The following NRXN3 variants were observed in gnomAD, a reference collection of about 807,000 sequenced individuals.
The protein encoded by NRXN3 is neurexin 3, also known as neurexin III.
Under a neutral mutation model 137.6 loss-of-function variants are expected in NRXN3, and 32 were observed. The ratio of observed to expected loss-of-function variants is 0.23; its 90% CI spans 0.18 to 0.31. The LOEUF (loss-of-function observed/expected upper bound fraction) is 0.31. NRXN3 is among the 10% of genes least tolerant of loss of function. The probability of loss-of-function intolerance (pLI) is 1.00; values close to 1 mark genes in which losing one functional copy is unlikely to be tolerated. For missense variants in NRXN3, 1,574 were observed against 2,062.5 expected, an observed-to-expected ratio of 0.76 and a Z score of 4.59; for synonymous variants, 798 against 784.5, an observed-to-expected ratio of 1.02 and a Z score of -0.29.
intron 15 of NRXN3, among the ~76,000 whole-genome samples, chr14:79,088,838 A>G (rs1448007097): frequency 1.3e-5 from 2 of 152,198 alleles, no homozygotes; most frequent in South Asian, 2.1e-4. Context: ...TTTGAATCAC[A>G]GCACAACTAT....
At chr14:78,798,424 G>T (rs1487926933) in intron 8 of NRXN3, among the ~76,000 whole-genome samples, 1 of 152,172 alleles carries the variant, frequency 6.6e-6, no homozygotes, top group Non-Finnish European at 1.5e-5. Context: ...GGTTCCCATG[G>T]CTTTGGGCAG....
intron 15 of NRXN3, among the ~76,000 whole-genome samples, chr14:79,154,153 A>T (rs1002376201): frequency 2.0e-5 from 3 of 151,938 alleles, no homozygotes; most frequent in African/African-American, 7.2e-5. Context: ...GCCATTGTGT[A>T]TTGAGCACTG....
chr14:78,176,777 G>C (rs1175517487), intron 1 of NRXN3, among the ~76,000 whole-genome samples: 2 of 152,014 alleles, frequency 1.3e-5, no homozygotes, highest in East Asian at 1.9e-4. Context: ...CTTTTCCAAG[G>C]GTATTGCAGC....
At position 79,443,453 on chromosome 14, in the gene NRXN3, T is replaced by C. The variant is rs139462669; in HGVS notation, c.3263-23768T>C. On this transcript the variant is annotated intron_variant, in intron 15 of 20. Transcript: ENST00000335750. ...TATAAATGATGGCCAAATAGCTGTT[T>C]GAATGGATAAAAAAGCTTCATAAAG... Among the ~76,000 whole-genome samples, 5 of 152,302 alleles carry C rather than the reference T, an allele frequency of 3.3e-5. No homozygotes were observed. In the East Asian group the frequency reaches 9.6e-4, roughly 29 times the overall value.
chr14:78,410,096 G>C (rs1161702862), intron 4 of NRXN3, among the ~76,000 whole-genome samples: 2 of 152,176 alleles, frequency 1.3e-5, no homozygotes, highest in Non-Finnish European at 2.9e-5. Flanking sequence ...ATCAGAAAGA[G>C]TCCTGGGCTT....
intron 6 of NRXN3, among the ~76,000 whole-genome samples, chr14:78,669,757 A>G (rs189143171): frequency 2.6e-5 from 4 of 152,268 alleles, no homozygotes; most frequent in Admixed American, 2.6e-4. Context: ...GCTAATAACT[A>G]TAATTAGTGT....
chr14:79,299,155 C>A (rs2084709050), intron 15 of NRXN3, among the ~76,000 whole-genome samples: 1 of 152,166 alleles, frequency 6.6e-6, no homozygotes, highest in African/African-American at 2.4e-5. Context: ...CAGGGATTTA[C>A]AAAACCAGTT....
chr14:79,199,039 C>T lies in NRXN3; in HGVS notation c.3262+210898C>T, dbSNP rs550442384. On this transcript the variant is annotated intron_variant, in intron 15 of 20. Coordinates refer to ENST00000335750, the MANE Select transcript of NRXN3 (RefSeq NM_001330195.2). The stretch of plus-strand genomic sequence containing the variant: ...AAAATTATCTGGGCTTGGTGACATG[C>T]GCCTGTAGTCCCAGCTACTCTAGAG... Among the ~76,000 whole-genome samples, 33 of 152,204 alleles carry T rather than the reference C, an allele frequency of 2.2e-4. No individual in the cohort carries two copies. In the Middle Eastern group the frequency reaches 0.01, roughly 47 times the overall value.
At chr14:79,358,505 C>T (rs1301832061) in intron 15 of NRXN3, among the ~76,000 whole-genome samples, 2 of 143,290 alleles carry the variant, frequency 1.4e-5, no homozygotes, top group Admixed American at 7.2e-5. Flanking sequence ...ACCTGGGAGG[C>T]GGAGCTTACA....
At chr14:78,183,975 T>C (rs1444171187) in intron 1 of NRXN3, among the ~76,000 whole-genome samples, 6 of 152,244 alleles carry the variant, frequency 3.9e-5, no homozygotes, top group Non-Finnish European at 7.3e-5. Flanking sequence ...TTTTTTCTTT[T>C]TTTGTACATG....
At chr14:78,360,667 C>A (rs1228429530) in intron 4 of NRXN3, among the ~76,000 whole-genome samples, 1 of 152,276 alleles carries the variant, frequency 6.6e-6, no homozygotes, top group African/African-American at 2.4e-5. Flanking sequence ...ACAATGCCTG[C>A]ACATAGTAAG....
intron 15 of NRXN3, among the ~76,000 whole-genome samples, chr14:79,380,336 A>T (rs1418699875): frequency 6.6e-6 from 1 of 151,626 alleles, no homozygotes; most frequent in Non-Finnish European, 1.5e-5. Context: ...TCCTAATGCT[A>T]TCCCTCCCCC....
chr14:79,262,898 T>C (rs980719531), intron 15 of NRXN3, among the ~76,000 whole-genome samples: 14 of 152,136 alleles, frequency 9.2e-5, no homozygotes, highest in Admixed American at 3.3e-4. Context: ...TACTTTATCA[T>C]CTTTTAGGGC....
At chr14:79,261,645 T>C (rs1437374445) in intron 15 of NRXN3, among the ~76,000 whole-genome samples, 1 of 22,848 alleles carries the variant, frequency 4.4e-5, no homozygotes, top group Non-Finnish European at 8.2e-5. Context: ...GTGTGTGTGA[T>C]GGGGTGGGGG....
chr14:78,489,650 A>G lies in NRXN3; in HGVS notation c.758-155470A>G, dbSNP rs544625111. Among the ~76,000 whole-genome samples, 9 of 152,176 alleles carry G rather than the reference A, an allele frequency of 5.9e-5. No individual in the cohort carries two copies. The South Asian group carries it at 1.7e-3, about 28-fold the overall frequency. ...TTCATCTTTTCTCAGAATAAAATCTATTTTCTTCCCCTTCCCATGGTAAAC... is the reference window on the plus strand; with the variant it reads ...TTCATCTTTTCTCAGAATAAAATCTGTTTTCTTCCCCTTCCCATGGTAAAC... On this transcript the variant is annotated intron_variant, in intron 4 of 20. Coordinates refer to ENST00000335750, the MANE Select transcript of NRXN3 (RefSeq NM_001330195.2).
intron 16 of NRXN3, among the ~76,000 whole-genome samples, chr14:79,480,008 G>A (rs755586622): frequency 2.0e-5 from 3 of 152,062 alleles, no homozygotes; most frequent in Non-Finnish European, 4.4e-5. Context: ...GATTAAAAAC[G>A]CTAAATGATC....
intron 16 of NRXN3, among the ~76,000 whole-genome samples, chr14:79,561,333 C>G (rs1213341789): frequency 2.0e-5 from 3 of 152,132 alleles, no homozygotes; most frequent in African/African-American, 4.8e-5. Flanking sequence ...TTGGAATAGA[C>G]AGCAAAGCCA....
At chr14:79,061,992 T>C (rs1401534747) in intron 15 of NRXN3, among the ~76,000 whole-genome samples, 1 of 152,176 alleles carries the variant, frequency 6.6e-6, no homozygotes, top group Non-Finnish European at 1.5e-5. Flanking sequence ...AGCACATAAA[T>C]AAGTAGGAAG....
At chr14:78,361,742 A>G (rs1473824482) in intron 4 of NRXN3, among the ~76,000 whole-genome samples, 2 of 152,152 alleles carry the variant, frequency 1.3e-5, no homozygotes, top group East Asian at 1.9e-4. Context: ...TGTATTATCT[A>G]TGGTGTATTT....
Sources: gnomAD v4.1 joint callset for allele counts (sites outside exome capture counted in the v4.1 genomes callset) on GRCh38, gnomAD v4.1.1 for gene constraint, MANE v1.5 for transcripts, NCBI Gene and HGNC (gene_info 2026-07-23, HGNC 2026-07-21) for gene names.